Variants in CLVS1 observed in about 807,000 individuals in gnomAD.
CLVS1 encodes the protein clavesin 1, also known as clavesin-1.
In CLVS1, 10 loss-of-function variants were observed where a neutral mutation model predicts 33.1. The observed-to-expected ratio is 0.30, with a 90% CI of 0.19 to 0.51. The LOEUF is 0.51. Among genes scored for constraint, CLVS1 ranks in the 20% least tolerant of loss-of-function variants. CLVS1 has a pLI of 0.97. For missense variants in CLVS1, 343 were observed against 433.4 expected, an observed-to-expected ratio of 0.79 and a Z score of 1.85; for synonymous variants, 163 against 166.1, an observed-to-expected ratio of 0.98 and a Z score of 0.14.
At chr8:61,071,622 A>G (rs944544885) in intron 1 of CLVS1, among the ~76,000 whole-genome samples, 3 of 152,230 alleles carry the variant, frequency 2.0e-5, no homozygotes, top group Non-Finnish European at 4.4e-5. Context: ...ACTTCTGCAG[A>G]TGAGCATATG....
At chr8:61,298,015 A>G (rs950039971) in intron 1 of CLVS1, among the ~76,000 whole-genome samples, 2 of 152,182 alleles carry the variant, frequency 1.3e-5, no homozygotes, top group Non-Finnish European at 2.9e-5. Context: ...TAGTATCGTT[A>G]TTATTAACAC....
At chr8:61,003,328 T>C in the CLVS1 span, among the ~76,000 whole-genome samples, 2 of 152,150 alleles carry the variant, frequency 1.3e-5, no homozygotes, top group African/African-American at 4.8e-5. Context: ...GCAGTAAGGG[T>C]TACTGTGATT....
In CLVS1 at chr8:61,135,790, T is replaced by C. The variant is rs192855514; in HGVS notation, c.-152+3930T>C. ...GAATCGGTGAGTAGAAGCTTGAAGA[T>C]GGTGTGCTAAAAATGCACCTCACAA... On this transcript the variant is annotated intron_variant, in intron 2 of 2. Coordinates refer to the CLVS1 transcript ENST00000522621. Among the ~76,000 whole-genome samples the C allele has an allele frequency of 3.3e-3, 499 of 152,322 alleles. 5 individuals are homozygous for C. The highest frequency in any genetic ancestry group is 5.7e-3 in the Non-Finnish European group (390 of 68,022).
chr8:61,457,477 G>A (rs1388500365), intron 4 of CLVS1, among the ~76,000 whole-genome samples: 1 of 151,926 alleles, frequency 6.6e-6, no homozygotes, highest in East Asian at 1.9e-4. Flanking sequence ...TTGTAGATTT[G>A]TCTGGAAATA....
intron 2 of CLVS1, among the ~76,000 whole-genome samples, chr8:61,282,640 G>A (rs1246938234): frequency 6.6e-6 from 1 of 152,220 alleles, no homozygotes; most frequent in African/African-American, 2.4e-5. Context: ...GTTAATTGCT[G>A]TGAGGATTCA....
At chr8:61,207,327 A>AG (rs1160275778) in intron 2 of CLVS1, among the ~76,000 whole-genome samples, 41 of 135,018 alleles carry the variant, frequency 3.0e-4, no homozygotes, top group Admixed American at 2.7e-3. Flanking sequence ...CATGGGCTCC[A>AG]GGAATGTGCA....
At chr8:61,232,023 G>GTTTGTTTGTTTGTTT in intron 2 of CLVS1, among the ~76,000 whole-genome samples, 16 of 62,658 alleles carry the variant, frequency 2.6e-4, no homozygotes, top group Non-Finnish European at 5.0e-4. Context: ...GAAAGTTGTG[G>GTTTGTTTGTTTGTTT]TTTTTTTTTT....
the CLVS1 span, among the ~76,000 whole-genome samples, chr8:61,005,647 T>C: frequency 6.6e-6 from 1 of 152,208 alleles, no homozygotes; most frequent in African/African-American, 2.4e-5. Context: ...GTCAGGAGGC[T>C]GAGCGCTACT....
chr8:61,209,284 G>A (rs1317382180), intron 2 of CLVS1, among the ~76,000 whole-genome samples: 1 of 152,216 alleles, frequency 6.6e-6, no homozygotes, highest in Non-Finnish European at 1.5e-5. Flanking sequence ...TCTTGGTTTG[G>A]AGGCTGCAGT....
At chr8:60,998,188 G>A in the CLVS1 span, among the ~76,000 whole-genome samples, 1 of 152,130 alleles carries the variant, frequency 6.6e-6, no homozygotes, top group Non-Finnish European at 1.5e-5. Flanking sequence ...ACAGTGCTGG[G>A]GCTGGTAGTT....
At chr8:61,220,875 C>T (rs35931858) in intron 2 of CLVS1, among the ~76,000 whole-genome samples, 3 of 152,076 alleles carry the variant, frequency 2.0e-5, no homozygotes, top group African/African-American at 4.8e-5. Flanking sequence ...AAGTTATTCA[C>T]GTCCCTTGTT....
chr8:61,077,441 G>GTATTATTAT (rs57149995), intron 1 of CLVS1, among the ~76,000 whole-genome samples: 22 of 138,336 alleles, frequency 1.6e-4, no homozygotes, highest in African/African-American at 3.4e-4. Context: ...CCCTCTAAAA[G>GTATTATTAT]TATTATTATT....
At chr8:61,411,940 G>A (rs1051179767) in intron 3 of CLVS1, among the ~76,000 whole-genome samples, 1 of 152,214 alleles carries the variant, frequency 6.6e-6, no homozygotes, top group Non-Finnish European at 1.5e-5. Context: ...ATAACATACT[G>A]TGAGGGTGGA....
intron 3 of CLVS1, among the ~76,000 whole-genome samples, chr8:61,416,286 C>G (rs766740358): frequency 4.1e-5 from 1 of 24,506 alleles, no homozygotes; most frequent in Non-Finnish European, 1.5e-4. Context: ...AACAAGATAG[C>G]TAGCTAGCTA....
chr8:61,337,133 C>A lies in CLVS1; in HGVS notation c.455+36851C>A, dbSNP rs550733607. Among the ~76,000 whole-genome samples, 5 of 152,238 alleles carry A rather than the reference C, an allele frequency of 3.3e-5. No homozygotes were observed. The South Asian group carries it at 1.0e-3, about 32-fold the overall frequency. On this transcript the variant is annotated intron_variant, in intron 2 of 5. Transcript: ENST00000325897. ...ACGTTGACTACAAGATCAGGGAAACCAAGCTCCTACTCTCTGTCTACACCA... is the reference window on the plus strand; with the variant it reads ...ACGTTGACTACAAGATCAGGGAAACAAAGCTCCTACTCTCTGTCTACACCA...
At chr8:61,442,881 G>A (rs1473287978) in intron 3 of CLVS1, among the ~76,000 whole-genome samples, 2 of 152,168 alleles carry the variant, frequency 1.3e-5, no homozygotes, top group Admixed American at 1.3e-4. Context: ...TATAAGGCAT[G>A]AGCCACTGTG....
chr8:61,314,253 C>T (rs1385589537), intron 2 of CLVS1, among the ~76,000 whole-genome samples: 1 of 151,938 alleles, frequency 6.6e-6, no homozygotes, highest in East Asian at 1.9e-4. Context: ...GGAGTTAGTC[C>T]GTCCTATAAT....
intron 2 of CLVS1, among the ~76,000 whole-genome samples, chr8:61,191,875 G>A (rs995427633): frequency 6.6e-6 from 1 of 152,150 alleles, no homozygotes; most frequent in Non-Finnish European, 1.5e-5. Context: ...CAAAATAAAA[G>A]AGGACACAAA....
intron 2 of CLVS1, among the ~76,000 whole-genome samples, chr8:61,169,732 T>C (rs561394019): frequency 6.6e-6 from 1 of 152,286 alleles, no homozygotes; most frequent in Admixed American, 6.5e-5. Flanking sequence ...CTCTCCCCTA[T>C]AAAGATGGTG....
Sources: gnomAD v4.1 joint callset for allele counts (sites outside exome capture counted in the v4.1 genomes callset) on GRCh38, gnomAD v4.1.1 for gene constraint, MANE v1.5 for transcripts, NCBI Gene and HGNC (gene_info 2026-07-23, HGNC 2026-07-21) for gene names.